IGF1R: variants seen among roughly 807,000 people sequenced by gnomAD.
The protein encoded by IGF1R is insulin-like growth factor 1 receptor.
In IGF1R, 44 loss-of-function variants were observed where a neutral mutation model predicts 144.6. The observed-to-expected ratio is 0.30, with a 90% CI of 0.24 to 0.39. The LOEUF (loss-of-function observed/expected upper bound fraction) is 0.39. Among genes scored for constraint, IGF1R ranks in the 10% least tolerant of loss-of-function variants. The probability of loss-of-function intolerance (pLI) is 1.00; values close to 1 mark genes in which losing one functional copy is unlikely to be tolerated. For synonymous variants in IGF1R, 795 were observed against 722.8 expected, an observed-to-expected ratio of 1.10 and a Z score of -1.60; for missense variants, 1,355 against 1,833.7, an observed-to-expected ratio of 0.74 and a Z score of 4.77.
At chr15:98,751,358 C>T (rs552502755) in intron 2 of IGF1R, among the ~76,000 whole-genome samples, 1 of 152,098 alleles carries the variant, frequency 6.6e-6, no homozygotes, top group South Asian at 2.1e-4. Flanking sequence ...CATCACCACG[C>T]CCAGGTAATT....
intron 1 of IGF1R, among the ~76,000 whole-genome samples, chr15:98,680,558 G>A (rs749048273): frequency 6.6e-6 from 1 of 151,762 alleles, no homozygotes; most frequent in African/African-American, 2.4e-5. Context: ...GAGCCACCGC[G>A]CCTGGCCTTT....
At chr15:98,913,696 T>C (rs1451578227) in intron 8 of IGF1R, among the ~76,000 whole-genome samples, 1 of 152,210 alleles carries the variant, frequency 6.6e-6, no homozygotes, top group Non-Finnish European at 1.5e-5. Flanking sequence ...CTGGAGCTTA[T>C]AGAGTTCCAA....
chr15:98,884,079 C>A (rs1003478656), intron 2 of IGF1R, among the ~76,000 whole-genome samples: 1 of 152,126 alleles, frequency 6.6e-6, no homozygotes, highest in African/African-American at 2.4e-5. Flanking sequence ...CCCTCGAGCA[C>A]ATTTCTTTTA....
Position 98,909,261 on chromosome 15 carries a change from C to CTTTTTTTT in IGF1R, c.1462+373_1462+380dup, listed in dbSNP as rs752298130. The stretch of plus-strand genomic sequence containing the variant: ...TCTTTTCTTTTTTTTCTTTTTTTTT[C>CTTTTTTTT]TTTTTTTTTTTTTTTTTTGAGATGG... On this transcript the variant is annotated intron_variant, in intron 6 of 20. Transcript: ENST00000650285. Among the ~76,000 whole-genome samples the CTTTTTTTT allele has an allele frequency of 1.2e-3, 110 of 91,734 alleles. 1 individual carries two copies. The highest frequency in any genetic ancestry group is 3.4e-3 in the East Asian group (10 of 2,934). The allele number at this position is 91,734 out of a possible 152,430, so 60.2% of individuals were successfully genotyped here. A position where few individuals can be genotyped will look rare whatever the true frequency, so the allele number is the denominator to read the frequency against.
intron 10 of IGF1R, 98 bp downstream of exon 10, chr15:98,916,974 G>C (rs756193942): frequency 2.4e-4 from 247 of 1,034,948 alleles, no homozygotes; most frequent in Admixed American, 5.4e-4. Context: ...TCAGCAGCTG[G>C]GGGGTACAAT....
intron 2 of IGF1R, among the ~76,000 whole-genome samples, chr15:98,819,206 A>T (rs1401160565): frequency 1.3e-5 from 2 of 152,152 alleles, no homozygotes; most frequent in African/African-American, 4.8e-5. Flanking sequence ...TTTGGCACTC[A>T]TCTACTTGTA....
intron 2 of IGF1R, among the ~76,000 whole-genome samples, chr15:98,740,980 G>C (rs546929043): frequency 6.6e-6 from 1 of 152,186 alleles, no homozygotes; most frequent in Non-Finnish European, 1.5e-5. Flanking sequence ...TCTCAGTTGA[G>C]TGTATTTGTG....
At chr15:98,813,078 C>A (rs1200330316) in intron 2 of IGF1R, among the ~76,000 whole-genome samples, 1 of 152,092 alleles carries the variant, frequency 6.6e-6, no homozygotes, top group Non-Finnish European at 1.5e-5. Context: ...GGGGCCTTGG[C>A]AGTTTTGATC....
intron 1 of IGF1R, 43 bp downstream of exon 1, chr15:98,649,718 C>T (rs1464744600): frequency 2.8e-6 from 4 of 1,434,768 alleles, no homozygotes; most frequent in East Asian, 2.3e-5. Flanking sequence ...GGGAACTTTT[C>T]CTCCGAGGGG....
chr15:98,749,841 C>T (rs1176874618), intron 2 of IGF1R, among the ~76,000 whole-genome samples: 6 of 150,100 alleles, frequency 4.0e-5, no homozygotes, highest in African/African-American at 1.5e-4. Flanking sequence ...ATGGTGCCAC[C>T]TGAAAAAATA....
chr15:98,857,200 G>C (rs145933163), intron 2 of IGF1R, among the ~76,000 whole-genome samples: 375 of 152,248 alleles, frequency 2.5e-3, no homozygotes, highest in African/African-American at 8.5e-3. Context: ...ACTGTTTTGT[G>C]TACATCTTTA....
intron 2 of IGF1R, among the ~76,000 whole-genome samples, chr15:98,838,249 T>C (rs1458059808): frequency 6.6e-6 from 1 of 151,686 alleles, no homozygotes; most frequent in African/African-American, 2.4e-5. Flanking sequence ...TTCTTTGGAC[T>C]CACTGTGGTC....
At chr15:98,915,756 G>A (rs1275820888) in intron 8 of IGF1R, among the ~76,000 whole-genome samples, 2 of 152,264 alleles carry the variant, frequency 1.3e-5, no homozygotes, top group East Asian at 1.9e-4. Context: ...AGAGATTACC[G>A]GAGGAAATAG....
In IGF1R at chr15:98,762,625, G is replaced by GA. The variant is rs571564733; in HGVS notation, c.640+54518_640+54519insA. Among the ~76,000 whole-genome samples the GA allele has an allele frequency of 4.7e-4, 72 of 152,076 alleles. No homozygotes were observed. In the East Asian group the frequency reaches 9.3e-3, roughly 20 times the overall value. On this transcript the variant is annotated intron_variant, in intron 2 of 20. Transcript: ENST00000650285. Reference sequence around the variant, plus strand: ...TGCCTGTAATCCCAGTTACTCGGGAGGCTGAGGCAGGAGAATTGCTTGAAC... The same window carrying GA: ...TGCCTGTAATCCCAGTTACTCGGGAGAGCTGAGGCAGGAGAATTGCTTGAAC...
intron 2 of IGF1R, among the ~76,000 whole-genome samples, chr15:98,745,089 A>G (rs57548710): frequency 0.013 from 1,970 of 152,284 alleles, 41 homozygotes; most frequent in South Asian, 0.063. Context: ...GGATGGTTGC[A>G]TTTGTTTGAA....
chr15:98,867,324 G>T (rs529490555), intron 2 of IGF1R, among the ~76,000 whole-genome samples: 2 of 152,096 alleles, frequency 1.3e-5, no homozygotes, highest in African/African-American at 4.8e-5. Flanking sequence ...TTTCTTAAAG[G>T]CAAAAAGCAC....
chr15:98,936,509 GCTGCTTACTGGGTAAGCAGTGTGT>G (rs1449502155), intron 17 of IGF1R, among the ~76,000 whole-genome samples: 6 of 152,162 alleles, frequency 3.9e-5, no homozygotes, highest in African/African-American at 1.4e-4. Flanking sequence ...CCCTTACTTT[GCTGCTTACTGGGTAAGCAGTGTGT>G]CTGCTTTTAT....
At chr15:98,671,477 A>G (rs1206084648) in intron 1 of IGF1R, among the ~76,000 whole-genome samples, 2 of 152,216 alleles carry the variant, frequency 1.3e-5, no homozygotes, top group Non-Finnish European at 2.9e-5. Context: ...GCTTGTAATT[A>G]TAGGGGCAAG....
rs112279938 is a variant in IGF1R, at chr15:98,891,707, ACT to A, written c.953+73_953+74del. The A allele has an allele frequency of 6.6e-5, 98 of 1,479,934 alleles. 2 individuals are homozygous for A. Among genetic ancestry groups the A allele is most frequent in the Middle Eastern group, 5.1e-4 (3 of 5,852 alleles). 91.7% of individuals were successfully genotyped at this position (1,479,934 alleles called of 1,614,324 possible). On this transcript the variant is annotated intron_variant, in intron 3 of 20. Transcript: ENST00000650285. This position sits in a 1 kb window ranked among gnomAD's most constrained non-coding sequence, Gnocchi z 4.7. Reference sequence around the variant, plus strand: ...CCGCCACCCTAGCACACAAAGGTAGACTCTGTCGGTTGTTTCATCCGGGTGCA... The same window carrying A: ...CCGCCACCCTAGCACACAAAGGTAGACTGTCGGTTGTTTCATCCGGGTGCA...
Sources: gnomAD v4.1 joint callset for allele counts (sites outside exome capture counted in the v4.1 genomes callset) on GRCh38, gnomAD v4.1.1 for gene constraint, Gnocchi (gnomAD v3.1) non-coding constraint, MANE v1.5 for transcripts, NCBI Gene and HGNC (gene_info 2026-07-23, HGNC 2026-07-21) for gene names.